The following CACNA2D2 variants were observed in gnomAD, a reference collection of about 807,000 sequenced individuals.
The protein encoded by CACNA2D2 is calcium voltage-gated channel auxiliary subunit alpha2delta 2.
In CACNA2D2, 48 loss-of-function variants were observed where a neutral mutation model predicts 166.4. The observed-to-expected ratio is 0.29, with a 90% CI of 0.23 to 0.37. The LOEUF (loss-of-function observed/expected upper bound fraction) is 0.37, where lower values mean the gene tolerates loss of function less well. Among genes scored for constraint, CACNA2D2 ranks in the 10% least tolerant of loss-of-function variants. CACNA2D2 has a pLI of 1.00. For synonymous variants in CACNA2D2, 561 were observed against 573.7 expected (o/e 0.98, Z 0.32); for missense variants, 1,122 against 1,433.0 (o/e 0.78, Z 3.50).
At chr3:50,425,254 C>T (rs181450336) in intron 3 of CACNA2D2, among the ~76,000 whole-genome samples, 1 of 152,358 alleles carries the variant, frequency 6.6e-6, no homozygotes, top group Admixed American at 6.5e-5. Flanking sequence ...CCCATCTCAG[C>T]AGATTCAGCC....
At chr3:50,449,460 C>T (rs1709005673) in intron 2 of CACNA2D2, among the ~76,000 whole-genome samples, 1 of 152,212 alleles carries the variant, frequency 6.6e-6, no homozygotes, top group African/African-American at 2.4e-5. Context: ...AGGCTCAACC[C>T]TGATGCCACC....
intron 1 of CACNA2D2, among the ~76,000 whole-genome samples, chr3:50,487,245 C>T (rs775841888): frequency 4.6e-5 from 7 of 152,222 alleles, no homozygotes; most frequent in Admixed American, 2.0e-4. Flanking sequence ...AGCCGCCCCT[C>T]GTATACAGCC....
At chr3:50,395,882 C>T (rs114972849) in intron 3 of CACNA2D2, among the ~76,000 whole-genome samples, 5 of 152,206 alleles carry the variant, frequency 3.3e-5, no homozygotes, top group African/African-American at 7.2e-5. Context: ...GCTGGGGTCC[C>T]GGGAGCAGGG....
chr3:50,476,136 G>C lies in CACNA2D2; in HGVS notation c.270C>G (p.Gly90=). The C allele has an allele frequency of 6.2e-7, 1 of 1,602,374 alleles. No homozygotes were observed. The highest frequency in any genetic ancestry group is 8.5e-7 in the Non-Finnish European group (1 of 1,174,924). The change falls in exon 2 of 38, where the codon GGC becomes GGG. Residue 90 remains glycine, a synonymous_variant. Transcript: ENST00000424201. ...EVDGVMRIFG[G]VQQLREIYKD... ...GGCTCACCTCACGGAGCTGCTGGAC[G>C]CCTCCAAAAATCCGCATCACGCCGT...
chr3:50,371,587 G>A (rs752724228), intron 22 of CACNA2D2, among the ~76,000 whole-genome samples: 8 of 152,114 alleles, frequency 5.3e-5, no homozygotes, highest in Non-Finnish European at 1.0e-4. Flanking sequence ...GGCTTTAATT[G>A]TATAGAAGAC....
At chr3:50,471,045 A>G (rs762687943) in intron 2 of CACNA2D2, among the ~76,000 whole-genome samples, 1 of 152,076 alleles carries the variant, frequency 6.6e-6, no homozygotes, top group African/African-American at 2.4e-5. Context: ...CCAGCGGCAT[A>G]TTTCACACCC....
At chr3:50,398,542 C>T (rs1377380009) in intron 3 of CACNA2D2, among the ~76,000 whole-genome samples, 1 of 150,084 alleles carries the variant, frequency 6.7e-6, no homozygotes, top group African/African-American at 2.5e-5. Flanking sequence ...TGTGTAGAGG[C>T]CTGGGCTTGA....
chr3:50,436,114 G>A (rs1708307816), intron 2 of CACNA2D2, among the ~76,000 whole-genome samples: 1 of 152,206 alleles, frequency 6.6e-6, no homozygotes, highest in Non-Finnish European at 1.5e-5. Flanking sequence ...GTCAAGGCCA[G>A]GCGATTGAGT....
At chr3:50,392,120 T>G (rs1475918580) in intron 4 of CACNA2D2, among the ~76,000 whole-genome samples, 1 of 152,138 alleles carries the variant, frequency 6.6e-6, no homozygotes, top group Non-Finnish European at 1.5e-5. Context: ...TGTCATCTCC[T>G]GAAGGTCATT....
At chr3:50,371,215 C>G (rs1704640671) in intron 22 of CACNA2D2, among the ~76,000 whole-genome samples, 1 of 152,164 alleles carries the variant, frequency 6.6e-6, no homozygotes, top group Non-Finnish European at 1.5e-5. Flanking sequence ...TTCCTAAAAC[C>G]TGTCTGGGCT....
At chr3:50,405,838 T>G (rs2106779101) in intron 3 of CACNA2D2, among the ~76,000 whole-genome samples, 2 of 152,278 alleles carry the variant, frequency 1.3e-5, no homozygotes, top group South Asian at 4.1e-4. Flanking sequence ...CAGGGCCAGA[T>G]CTCTCTCCTG....
chr3:50,374,681 C>T, intron 22 of CACNA2D2, 56 bp downstream of exon 22: 2 of 1,548,256 alleles, frequency 1.3e-6, no homozygotes, highest in African/African-American at 1.4e-5. Context: ...CTGGGGCCGG[C>T]CAGGGTGCGG....
intron 4 of CACNA2D2, 55 bp from the exon 5 acceptor site, chr3:50,387,667 G>C (rs1184828192): frequency 1.4e-6 from 2 of 1,412,630 alleles, no homozygotes; most frequent in African/African-American, 2.8e-5. Flanking sequence ...GAGACAGACA[G>C]GACTCCTAGC....
In CACNA2D2 at chr3:50,376,547, C is replaced by T. The variant is rs1293498721; in HGVS notation, c.1627-359G>A. On this transcript the variant is annotated intron_variant, in intron 17 of 37. Transcript: ENST00000424201. The surrounding 1 kb of genome is among the most constrained non-coding windows in gnomAD (Gnocchi z 4.3). ...TGTGGCCCTCCTCTAGCCACTACTG[C>T]CCCTGATTTGTGCCTCCTCCTTGTC... Among the ~76,000 whole-genome samples, 2 of 152,222 alleles carry T rather than the reference C, an allele frequency of 1.3e-5. No individual in the cohort carries two copies. Among genetic ancestry groups the T allele is most frequent in the African/African-American group, 4.8e-5 (2 of 41,460 alleles).
chr3:50,500,837 T>C (rs1045501720), intron 1 of CACNA2D2, among the ~76,000 whole-genome samples: 4 of 142,750 alleles, frequency 2.8e-5, no homozygotes, highest in African/African-American at 1.1e-4. Flanking sequence ...AGCAGCAGCC[T>C]TGGTCCATTT....
chr3:50,435,134 G>GGGGGGT (rs140938940), intron 2 of CACNA2D2, among the ~76,000 whole-genome samples: 3 of 149,694 alleles, frequency 2.0e-5, no homozygotes, highest in African/African-American at 7.4e-5. Flanking sequence ...TAAATCTGAG[G>GGGGGGT]GTGTGTGTGT....
intron 3 of CACNA2D2, among the ~76,000 whole-genome samples, chr3:50,429,004 C>T (rs1707932685): frequency 2.0e-5 from 3 of 152,102 alleles, no homozygotes; most frequent in African/African-American, 7.2e-5. Context: ...CCGAGGCGCG[C>T]AGGTTGCCTG....
chr3:50,373,845 G>T (rs587677916), intron 22 of CACNA2D2, among the ~76,000 whole-genome samples: 3 of 100,424 alleles, frequency 3.0e-5, no homozygotes, highest in African/African-American at 1.3e-4. Context: ...GAGTGAGGAT[G>T]GATGAGGAAA....
intron 3 of CACNA2D2, among the ~76,000 whole-genome samples, chr3:50,418,104 A>G (rs141919419): frequency 6.6e-6 from 1 of 152,210 alleles, no homozygotes; most frequent in Non-Finnish European, 1.5e-5. Context: ...TATTGGCCCA[A>G]AGAGACCGCA....
Sources: gnomAD v4.1 joint callset for allele counts (sites outside exome capture counted in the v4.1 genomes callset) on GRCh38, gnomAD v4.1.1 for gene constraint, Gnocchi (gnomAD v3.1) non-coding constraint, MANE v1.5 for transcripts, NCBI Gene and HGNC (gene_info 2026-07-23, HGNC 2026-07-21) for gene names.